Variants in GCNT2 observed in about 807,000 individuals in gnomAD.
GCNT2 encodes glucosaminyl (N-acetyl) transferase 2 (I blood group), also known as N-acetyllactosaminide beta-1,6-N-acetylglucosaminyl-transferase.
A neutral mutation model predicts 34.2 loss-of-function variants in GCNT2; 34 were observed. The observed-to-expected ratio is 1.00, with a 90% confidence interval of 0.76 to 1.32. GCNT2 has a LOEUF of 1.32. Ranked by LOEUF, GCNT2 falls within the 40% of genes most tolerant of loss-of-function variation. The pLI is 0.00. For synonymous variants in GCNT2, 212 were observed against 188.0 expected (o/e 1.13, Z -1.04); for missense variants, 584 against 489.4 (o/e 1.19, Z -1.82).
intron 3 of GCNT2, among the ~76,000 whole-genome samples, chr6:10,618,553 A>T (rs1439740989): frequency 6.6e-6 from 1 of 152,188 alleles, no homozygotes; most frequent in Admixed American, 6.5e-5. Context: ...ATGGGAATGT[A>T]CTCTTCATAC....
rs187200408 is a variant in GCNT2, at chr6:10,609,461, C to T, written c.926-11890C>T. Among the ~76,000 whole-genome samples the T allele has an allele frequency of 2.8e-3, 426 of 152,338 alleles. 3 individuals are homozygous for T. In the Middle Eastern group the frequency reaches 0.031, roughly 11 times the overall value. On this transcript the variant is annotated intron_variant, in intron 3 of 4. Coordinates refer to ENST00000495262, the MANE Select transcript of GCNT2 (RefSeq NM_145649.5). ...ATTCATGATGTCAGAGCCCTCATGA[C>T]CTGGTCAGTTCTTAAGGTCCCACCT...
At chr6:10,608,043 A>T (rs1423850229) in intron 3 of GCNT2, among the ~76,000 whole-genome samples, 1 of 151,112 alleles carries the variant, frequency 6.6e-6, no homozygotes, top group African/African-American at 2.4e-5. Flanking sequence ...AGATTCCAAT[A>T]GATTGAAATG....
Position 10,539,298 on chromosome 6 carries a change from C to T in GCNT2, c.925+9462C>T, listed in dbSNP as rs201383789. Among the ~76,000 whole-genome samples, 96 of 148,282 alleles carry T rather than the reference C, an allele frequency of 6.5e-4. 1 individual carries two copies. In the East Asian group the frequency reaches 0.013, roughly 20 times the overall value. ...TCTGCCTCCTGGGTTCAAGCGATTC[C>T]CCTGCCTCAGCCTCCCGAGTTGCTG... On this transcript the variant is annotated intron_variant, in intron 3 of 4. Coordinates refer to ENST00000495262, the MANE Select transcript of GCNT2 (RefSeq NM_145649.5).
chr6:10,595,157 A>T (rs1179174321), intron 3 of GCNT2, among the ~76,000 whole-genome samples: 1 of 152,222 alleles, frequency 6.6e-6, no homozygotes, highest in Non-Finnish European at 1.5e-5. Flanking sequence ...TAACACTATG[A>T]AATGTGTATT....
intron 3 of GCNT2, among the ~76,000 whole-genome samples, chr6:10,554,173 G>A (rs1211395808): frequency 6.6e-6 from 1 of 152,160 alleles, no homozygotes; most frequent in Non-Finnish European, 1.5e-5. Flanking sequence ...AGGTTGTACA[G>A]CCTATTAGAA....
chr6:10,622,785 C>T (rs1766096398), intron 4 of GCNT2, among the ~76,000 whole-genome samples: 1 of 117,074 alleles, frequency 8.5e-6, no homozygotes, highest in Non-Finnish European at 1.6e-5. Context: ...TGGATTCTCG[C>T]TCTATCACCA....
In GCNT2 at chr6:10,621,379, C is replaced by A; in HGVS notation, c.954C>A (p.Ser318=). 6.2e-7 allele frequency: 1 copy of A among 1,613,260 alleles called. No homozygotes were observed. Among genetic ancestry groups the A allele is most frequent in the Non-Finnish European group, 8.5e-7 (1 of 1,179,258 alleles). ...PGVPGSMPNA[S]WTGNLRAIKW... ...TTCCTGGCTCTATGCCAAATGCATC[C>A]TGGACTGGAAACCTCAGAGCTATAA... is the stretch of plus-strand genomic sequence containing the variant. Residue 318 remains serine, a synonymous_variant, in exon 4 of 5, where the codon TCC becomes TCA. Transcript: ENST00000495262.
At chr6:10,561,187 CAG>C (rs1355111767) in intron 3 of GCNT2, among the ~76,000 whole-genome samples, 1 of 151,910 alleles carries the variant, frequency 6.6e-6, no homozygotes, top group Non-Finnish European at 1.5e-5. Context: ...TTTTTTGAGA[CAG>C]AGTTTCACTC....
At chr6:10,574,645 G>A (rs908310427) in intron 3 of GCNT2, 18 of 284,240 alleles carry the variant, frequency 6.3e-5, no homozygotes, top group African/African-American at 3.7e-4. Context: ...TAGACCATGG[G>A]CTAAATCTGC....
At chr6:10,609,077 A>T (rs528773520) in intron 3 of GCNT2, among the ~76,000 whole-genome samples, 2 of 152,322 alleles carry the variant, frequency 1.3e-5, no homozygotes, top group East Asian at 1.9e-4. Context: ...CAGGGGTCAA[A>T]CCAAACAGGC....
intron 3 of GCNT2, among the ~76,000 whole-genome samples, chr6:10,555,386 C>T (rs1233066089): frequency 6.6e-6 from 1 of 152,118 alleles, no homozygotes; most frequent in African/African-American, 2.4e-5. Flanking sequence ...TAAAAACACC[C>T]ACTTCCTAGG....
intron 3 of GCNT2, among the ~76,000 whole-genome samples, chr6:10,550,814 T>C (rs1762447508): frequency 6.6e-6 from 1 of 152,180 alleles, no homozygotes; most frequent in Non-Finnish European, 1.5e-5. Context: ...ACCTGGAACC[T>C]ACTGAACTCT....
Position 10,555,496 on chromosome 6 carries a change from T to G in GCNT2, c.925+25660T>G, listed in dbSNP as rs544092091. The stretch of plus-strand genomic sequence containing the variant: ...CTGAATGCCCACCAAATCCCCTGTC[T>G]GAGCATCATTTGTGACCAAGATTCA... On this transcript the variant is annotated intron_variant, in intron 3 of 4. Transcript: ENST00000495262. 1.4e-3 allele frequency among the ~76,000 whole-genome samples: 212 copies of G among 152,356 alleles called. 2 individuals carry two copies. The highest frequency in any genetic ancestry group is 0.014 in the Middle Eastern group (4 of 294).
chr6:10,560,532 T>C (rs752437041), intron 3 of GCNT2, among the ~76,000 whole-genome samples: 4 of 152,166 alleles, frequency 2.6e-5, no homozygotes, highest in Non-Finnish European at 5.9e-5. Flanking sequence ...TTCTCCTAAA[T>C]ACCTTAAATT....
chr6:10,578,472 G>T (rs1373966032), intron 3 of GCNT2, among the ~76,000 whole-genome samples: 2 of 127,892 alleles, frequency 1.6e-5, no homozygotes, highest in African/African-American at 3.3e-5. Context: ...TTTTTGAGAC[G>T]GAGTCTCGCT....
chr6:10,586,494 G>A lies in GCNT2; in HGVS notation c.926-34857G>A, dbSNP rs56106312. The A allele has an allele frequency of 6.1e-3, 9,894 of 1,614,126 alleles. 39 individuals carry two copies. The highest frequency in any genetic ancestry group is 7.6e-3 in the Non-Finnish European group (8,928 of 1,180,028). The stretch of plus-strand genomic sequence containing the variant: ...TTATGCAGGCATTTCCAGACTCCAG[G>A]CTGACCTGAACTGTCTGAAAGACCT... On this transcript the variant is annotated intron_variant, in intron 3 of 4. Transcript: ENST00000495262.
intron 3 of GCNT2, among the ~76,000 whole-genome samples, chr6:10,553,944 T>C (rs1281897404): frequency 6.6e-6 from 1 of 152,204 alleles, no homozygotes; most frequent in South Asian, 2.1e-4. Flanking sequence ...AATAAAAGAC[T>C]ATGAACGGAA....
rs1343649018 is a variant in GCNT2 at position 10,627,836 on chromosome 6, A to G, written c.*1229A>G. On this transcript the variant is annotated 3_prime_UTR_variant, in exon 5 of 5. Coordinates refer to ENST00000495262, the MANE Select transcript of GCNT2 (RefSeq NM_145649.5). ...TACCAGGCCCAGGAGATCAGTAATTACAAATTAAGGGTTAAATCAGAGATT... is the reference window on the plus strand; with the variant it reads ...TACCAGGCCCAGGAGATCAGTAATTGCAAATTAAGGGTTAAATCAGAGATT... 6.6e-6 allele frequency: 1 copy of G among 152,220 alleles called. No homozygotes were observed. The highest frequency in any genetic ancestry group is 1.5e-5 in the Non-Finnish European group (1 of 68,042). 9.4% of individuals were successfully genotyped at this position (152,220 alleles called of 1,614,324 possible).
At chr6:10,571,668 T>C (rs960551564) in intron 3 of GCNT2, among the ~76,000 whole-genome samples, 1 of 152,290 alleles carries the variant, frequency 6.6e-6, no homozygotes, top group East Asian at 1.9e-4. Flanking sequence ...GTAGAAATTA[T>C]TATCTCTTCA....
Sources: gnomAD v4.1 joint callset for allele counts (sites outside exome capture counted in the v4.1 genomes callset) on GRCh38, gnomAD v4.1.1 for gene constraint, MANE v1.5 for transcripts, NCBI Gene and HGNC (gene_info 2026-07-23, HGNC 2026-07-21) for gene names.